SAMMSON: variants seen among roughly 807,000 people sequenced by gnomAD.
SAMMSON encodes long intergenic non-protein coding RNA 1212.
chr3:70,016,323 A>C (rs1454380281), intron 3 of SAMMSON, among the ~76,000 whole-genome samples: 1 of 152,168 alleles, frequency 6.6e-6, no homozygotes, highest in African/African-American at 2.4e-5. Context: ...AGTGATGATG[A>C]GCATTTTTTC....
chr3:70,234,231 T>G (rs556220275), intron 4 of SAMMSON, among the ~76,000 whole-genome samples: 11 of 152,326 alleles, frequency 7.2e-5, no homozygotes, highest in Admixed American at 6.5e-4. Flanking sequence ...AGGGCTGGGT[T>G]GACACCTAAA....
At chr3:70,299,947 C>T (rs749629666) in intron 7 of SAMMSON, among the ~76,000 whole-genome samples, 1 of 152,070 alleles carries the variant, frequency 6.6e-6, no homozygotes, top group Non-Finnish European at 1.5e-5. Flanking sequence ...TCCAGTCAAA[C>T]GTAGCTATCG....
intron 2 of SAMMSON, among the ~76,000 whole-genome samples, chr3:70,419,354 C>G (rs1025150496): frequency 2.0e-5 from 3 of 151,954 alleles, no homozygotes; most frequent in Non-Finnish European, 4.4e-5. Context: ...TTTCTTTGGA[C>G]TATTTAATTT....
At chr3:70,214,607 C>CTTT (rs11391954) in intron 4 of SAMMSON, among the ~76,000 whole-genome samples, 7 of 140,284 alleles carry the variant, frequency 5.0e-5, no homozygotes, top group Admixed American at 7.1e-5. Context: ...CTGAAGTGGG[C>CTTT]TTTTTTTTTT....
intron 4 of SAMMSON, among the ~76,000 whole-genome samples, chr3:70,101,283 A>G (rs1332952094): frequency 3.3e-5 from 5 of 152,192 alleles, no homozygotes; most frequent in Non-Finnish European, 2.9e-5. Flanking sequence ...TACATATTAT[A>G]ATAACAAATG....
At chr3:70,302,439 TAA>T (rs778669682) in intron 7 of SAMMSON, among the ~76,000 whole-genome samples, 15 of 151,782 alleles carry the variant, frequency 9.9e-5, no homozygotes, top group African/African-American at 2.7e-4. Flanking sequence ...GCATAAAACA[TAA>T]GAGACTTTTT....
At chr3:70,292,362 C>T (rs1046465972) in intron 7 of SAMMSON, among the ~76,000 whole-genome samples, 10 of 152,024 alleles carry the variant, frequency 6.6e-5, no homozygotes, top group African/African-American at 2.4e-4. Context: ...TCTTGTTGGC[C>T]TTGATATCTT....
chr3:70,124,936 G>T, intron 4 of SAMMSON: 12 of 496,660 alleles, frequency 2.4e-5, no homozygotes, highest in Non-Finnish European at 3.6e-5. Flanking sequence ...AAAGGCATAT[G>T]TATTTAATTT....
chr3:70,342,254 A>G (rs1288412084), intron 7 of SAMMSON, among the ~76,000 whole-genome samples: 1 of 152,146 alleles, frequency 6.6e-6, no homozygotes, highest in Non-Finnish European at 1.5e-5. Flanking sequence ...AACTGAGGAG[A>G]GATCACGTGG....
intron 4 of SAMMSON, chr3:70,159,551 A>C (rs2067605730): frequency 6.6e-6 from 1 of 151,916 alleles, no homozygotes; most frequent in Non-Finnish European, 1.5e-5. Flanking sequence ...AATCTTTGCT[A>C]GTATTTATTA....
chr3:70,247,974 G>A (rs1220143212), intron 4 of SAMMSON, among the ~76,000 whole-genome samples: 1 of 152,032 alleles, frequency 6.6e-6, no homozygotes, highest in Non-Finnish European at 1.5e-5. Context: ...AGAATTTAAT[G>A]CTACAATGAT....
At chr3:70,029,985 A>G (rs988835181) in intron 3 of SAMMSON, among the ~76,000 whole-genome samples, 1 of 152,172 alleles carries the variant, frequency 6.6e-6, no homozygotes, top group African/African-American at 2.4e-5. Context: ...TCCATTGTAA[A>G]GAAAAGAACT....
chr3:70,363,161 G>A (rs1043694772), intron 9 of SAMMSON, among the ~76,000 whole-genome samples: 11 of 152,082 alleles, frequency 7.2e-5, no homozygotes, highest in South Asian at 2.1e-4. Flanking sequence ...TTGCCTAGTG[G>A]CAGAGAAGGA....
At chr3:70,211,808 C>T (rs981080830) in intron 4 of SAMMSON, among the ~76,000 whole-genome samples, 8 of 142,926 alleles carry the variant, frequency 5.6e-5, no homozygotes, top group African/African-American at 1.9e-4. Flanking sequence ...CTTTCCTTAC[C>T]CTTCCCTTCC....
intron 3 of SAMMSON, chr3:70,015,379 T>C (rs1178088490): frequency 6.6e-6 from 1 of 151,228 alleles, no homozygotes; most frequent in East Asian, 1.9e-4. Flanking sequence ...AAAAAAGTAC[T>C]GGATGGCCAG....
At chr3:70,347,055 A>G (rs144329852) in intron 7 of SAMMSON, among the ~76,000 whole-genome samples, 250 of 152,354 alleles carry the variant, frequency 1.6e-3, no homozygotes, top group Admixed American at 4.2e-3. Context: ...CAACACATGA[A>G]TTGGGTCATT....
At chr3:70,239,272 A>T (rs895691358) in intron 4 of SAMMSON, among the ~76,000 whole-genome samples, 2 of 151,956 alleles carry the variant, frequency 1.3e-5, no homozygotes, top group East Asian at 3.9e-4. Context: ...AGATTGTTTT[A>T]AAAAATCAAA....
chr3:70,113,020 C>T (rs1036899575), intron 4 of SAMMSON, among the ~76,000 whole-genome samples: 16 of 152,058 alleles, frequency 1.1e-4, no homozygotes, highest in South Asian at 4.1e-4. Context: ...AGTATTTTAA[C>T]GCTTTATAAC....
At chr3:70,408,092 G>A (rs1004258880) in intron 2 of SAMMSON, among the ~76,000 whole-genome samples, 9 of 152,186 alleles carry the variant, frequency 5.9e-5, no homozygotes, top group East Asian at 3.9e-4. Flanking sequence ...TTTCAACCAC[G>A]GCTGAAGCAG....
Sources: allele counts gnomAD v4.1 joint callset (sites outside exome capture counted in the v4.1 genomes callset), GRCh38; gene constraint gnomAD v4.1.1; transcripts MANE v1.5; gene names NCBI Gene and HGNC (gene_info 2026-07-23, HGNC 2026-07-21).